Variants in RIMBP2 observed in about 807,000 individuals in gnomAD.
RIMBP2 encodes RIMS-binding protein 2.
Under a neutral mutation model 118.6 loss-of-function variants are expected in RIMBP2, and 48 were observed. That is an observed-to-expected ratio of 0.40 (90% CI 0.32 to 0.51). The LOEUF (loss-of-function observed/expected upper bound fraction) is 0.51, where lower values mean the gene tolerates loss of function less well. RIMBP2 is among the 20% of genes least tolerant of loss of function. RIMBP2 has a pLI of 0.41. For missense variants in RIMBP2, 1,551 were observed against 1,768.3 expected, an observed-to-expected ratio of 0.88 and a Z score of 2.20; for synonymous variants, 762 against 742.9, an observed-to-expected ratio of 1.03 and a Z score of -0.42.
At chr12:130,465,138 A>G (rs11060902) in intron 6 of RIMBP2, 7,335 of 152,344 alleles carry the variant, frequency 0.048, 340 homozygotes, top group East Asian at 0.16. Context: ...GCCTGAGGCC[A>G]GACGCCTGCG....
chr12:130,642,294 G>GT (rs11412210), intron 1 of RIMBP2, among the ~76,000 whole-genome samples: 133,628 of 151,902 alleles, frequency 0.88, 59,670 homozygotes, highest in Non-Finnish European at 0.96. Context: ...TTTGTTTTGT[G>GT]TTTTTTTGAG....
At position 130,482,280 on chromosome 12, in the gene RIMBP2, C is replaced by T. The variant is rs1328869403; in HGVS notation, c.-3-3264G>A. Among the ~76,000 whole-genome samples the T allele has an allele frequency of 2.0e-5, 3 of 152,328 alleles. No individual in the cohort carries two copies. In the East Asian group the frequency reaches 5.8e-4, roughly 29 times the overall value. On this transcript the variant is annotated intron_variant, in intron 4 of 22. Transcript: ENST00000690449. ...TTCTACTCCATTTATTCATTCATTGCTTCTTCTGGATATTGGTTCATCGGA... is the reference window on the plus strand; with the variant it reads ...TTCTACTCCATTTATTCATTCATTGTTTCTTCTGGATATTGGTTCATCGGA...
Position 130,665,749 on chromosome 12 carries a change from A to AACACACACAC in RIMBP2, c.-351-37303_-351-37294dup, listed in dbSNP as rs61043627. On this transcript the variant is annotated intron_variant, in intron 1 of 22. Transcript: ENST00000690449. ...GTATTGGATTGGATCCTGGACCAGA[A>AACACACACAC]ACACACACACACACACACAGCTCTA... is the stretch of plus-strand genomic sequence containing the variant. 1.6e-3 allele frequency among the ~76,000 whole-genome samples: 242 copies of AACACACACAC among 147,152 alleles called. 8 individuals are homozygous for AACACACACAC. The highest frequency in any genetic ancestry group is 6.2e-3 in the African/African-American group (235 of 37,710).
chr12:130,631,865 T>C (rs2062016115), intron 1 of RIMBP2, among the ~76,000 whole-genome samples: 2 of 152,196 alleles, frequency 1.3e-5, no homozygotes, highest in African/African-American at 2.4e-5. Flanking sequence ...ACTTTCAAGT[T>C]ATAAACTACT....
intron 2 of RIMBP2, among the ~76,000 whole-genome samples, chr12:130,536,353 C>T (rs1465526445): frequency 1.3e-5 from 2 of 152,212 alleles, no homozygotes; most frequent in Admixed American, 1.3e-4. Context: ...CTGTGCTTAA[C>T]ACTGACTGGC....
At position 130,511,341 on chromosome 12, in the gene RIMBP2, T is replaced by C. The variant is rs556757424; in HGVS notation, c.-126-4571A>G. Among the ~76,000 whole-genome samples, 7 of 152,234 alleles carry C rather than the reference T, an allele frequency of 4.6e-5. No homozygotes were observed. In the East Asian group the frequency reaches 1.4e-3, roughly 29 times the overall value. On this transcript the variant is annotated intron_variant, in intron 3 of 22. Transcript: ENST00000690449. This position sits in a 1 kb window ranked among gnomAD's most constrained non-coding sequence, Gnocchi z 4.3. ...GGTGAGACACGGTGGTGTGTGTGCTTGTAGGAATTTGTCACAGCAGCAATA... is the reference window on the plus strand; with the variant it reads ...GGTGAGACACGGTGGTGTGTGTGCTCGTAGGAATTTGTCACAGCAGCAATA...
At chr12:130,664,583 A>G (rs1280533377) in intron 1 of RIMBP2, among the ~76,000 whole-genome samples, 1 of 151,600 alleles carries the variant, frequency 6.6e-6, no homozygotes, top group Non-Finnish European at 1.5e-5. Context: ...TGATTTCTAA[A>G]TATCACTCGC....
At position 130,424,855 on chromosome 12, in the gene RIMBP2, A is replaced by G. The variant is rs1029372226; in HGVS notation, c.2416T>C (p.Cys806Arg). The change falls in exon 16 of 23, where the codon TGC becomes CGC. Residue 806 changes from cysteine to arginine, a missense_variant. By Grantham distance (180) the Cys-to-Arg change is radical (BLOSUM62 -3). Coordinates refer to ENST00000690449, the MANE Select transcript of RIMBP2 (RefSeq NM_001393629.1). This position sits in a 1 kb window ranked among gnomAD's most constrained non-coding sequence, Gnocchi z 9.8. ...CCTTCCGAGGTCCTATGGTCAGTGCAGTCCTTACGGGGTGGTGTGTCAAGA... is the reference window on the plus strand; with the variant it reads ...CCTTCCGAGGTCCTATGGTCAGTGCGGTCCTTACGGGGTGGTGTGTCAAGA... The part of the protein sequence containing the change: ...SGTSHNALKD[C>R]TDHRTSEGTF... The G allele has an allele frequency of 8.7e-5, 107 of 1,232,070 alleles. No homozygotes were observed. Among genetic ancestry groups the G allele is most frequent in the Non-Finnish European group, 1.1e-4 (106 of 987,974 alleles). The allele number at this position is 1,232,070 out of a possible 1,614,324, so 76.3% of individuals were successfully genotyped here. A position where few individuals can be genotyped will look rare whatever the true frequency, so the allele number is the denominator to read the frequency against.
Position 130,456,613 on chromosome 12 carries a change from G to A in RIMBP2, c.241C>T (p.His81Tyr). ...CCCAGCAGGTCAATCTTGCCAGCGT[G>A]CTGCCGGAACTTCTCCAGGTCCCGG... ...LSRDLEKFRQHAGKIDLLGGS... is the reference protein window; with the variant it reads ...LSRDLEKFRQYAGKIDLLGGS... The change falls in exon 7 of 23, where the codon CAC becomes TAC. Residue 81 changes from histidine to tyrosine, a missense_variant. By Grantham distance (83) the His-to-Tyr change is moderately conservative (BLOSUM62 2). Around this residue, in one of 5 missense-constraint regions of RIMBP2, gnomAD observed 239 missense variants for 256.8 expected, o/e 0.93. Coordinates refer to ENST00000690449, the MANE Select transcript of RIMBP2 (RefSeq NM_001393629.1). The A allele has an allele frequency of 6.2e-7, 1 of 1,613,702 alleles. No homozygotes were observed. The highest frequency in any genetic ancestry group is 8.5e-7 in the Non-Finnish European group (1 of 1,179,822).
intron 6 of RIMBP2, among the ~76,000 whole-genome samples, chr12:130,464,550 T>A (rs1389829623): frequency 6.6e-6 from 1 of 151,624 alleles, no homozygotes; most frequent in Non-Finnish European, 1.5e-5. Context: ...CCCTGCGTGA[T>A]TTCATTGCTC....
At chr12:130,593,024 C>A (rs151186864) in intron 2 of RIMBP2, among the ~76,000 whole-genome samples, 1 of 152,318 alleles carries the variant, frequency 6.6e-6, no homozygotes, top group East Asian at 1.9e-4. Flanking sequence ...TGCTTCCGCT[C>A]GGATAGAATC....
chr12:130,429,434 C>G (rs554628680), intron 14 of RIMBP2: 89 of 152,324 alleles, frequency 5.8e-4, no homozygotes, highest in African/African-American at 2.1e-3. Context: ...TTTCCACTCA[C>G]AGAGAAAGCA....
At position 130,456,703 on chromosome 12, in the gene RIMBP2, G is replaced by A. The variant is rs941788494; in HGVS notation, c.154-3C>T. The A allele has an allele frequency of 1.3e-6, 2 of 1,596,428 alleles. No homozygotes were observed. The highest frequency in any genetic ancestry group is 3.4e-5 in the Admixed American group (2 of 59,512). On this transcript the variant is annotated splice_polypyrimidine_tract_variant and splice_region_variant and intron_variant, in intron 6 of 22. Transcript: ENST00000690449. ...TCTTCCAGCTCTCGAACCTTGGACT[G>A]CACGGCAGAAGCAGGACAGGGGGTC...
chr12:130,687,214 G>A (rs544901892), intron 1 of RIMBP2, among the ~76,000 whole-genome samples: 1 of 152,332 alleles, frequency 6.6e-6, no homozygotes, highest in East Asian at 1.9e-4. Context: ...AGAGTGGCAA[G>A]TATCACTGGT....
At chr12:130,685,787 A>G (rs7969747) in intron 1 of RIMBP2, among the ~76,000 whole-genome samples, 11,920 of 152,150 alleles carry the variant, frequency 0.078, 1,570 homozygotes, top group African/African-American at 0.27. Context: ...CTGTTTACCT[A>G]TGACAAGGCC....
At chr12:130,594,001 C>T (rs905279417) in intron 2 of RIMBP2, among the ~76,000 whole-genome samples, 3 of 152,298 alleles carry the variant, frequency 2.0e-5, no homozygotes, top group Admixed American at 6.5e-5. Flanking sequence ...TGATTATTTC[C>T]AATACCAGAA....
chr12:130,449,147 C>T (rs1434102372), intron 9 of RIMBP2, among the ~76,000 whole-genome samples: 1 of 152,220 alleles, frequency 6.6e-6, no homozygotes, highest in African/African-American at 2.4e-5. Flanking sequence ...AGCCCACGCT[C>T]AGAGCTGTTG....
intron 21 of RIMBP2, among the ~76,000 whole-genome samples, chr12:130,405,344 G>A (rs1005052260): frequency 6.6e-6 from 1 of 152,206 alleles, no homozygotes; most frequent in Non-Finnish European, 1.5e-5. Flanking sequence ...CATGCCTGCG[G>A]CTGTAGCATG....
chr12:130,702,527 A>T (rs1221892653), intron 1 of RIMBP2, among the ~76,000 whole-genome samples: 2 of 130,204 alleles, frequency 1.5e-5, no homozygotes, highest in Admixed American at 7.5e-5. Flanking sequence ...AAAAAAAAAT[A>T]AAAAAATAAA....
Sources: gnomAD v4.1 joint callset for allele counts (sites outside exome capture counted in the v4.1 genomes callset) on GRCh38, gnomAD v4.1.1 for gene constraint, gnomAD v4.1.1 regional missense constraint, Gnocchi (gnomAD v3.1) non-coding constraint, MANE v1.5 for transcripts, NCBI Gene and HGNC (gene_info 2026-07-23, HGNC 2026-07-21) for gene names.